Variants in HPSE2 observed in about 807,000 individuals in gnomAD.
HPSE2 encodes the protein inactive heparanase-2.
HPSE2 carries 38 observed loss-of-function variants against 60.5 expected under a neutral mutation model. The ratio of observed to expected loss-of-function variants is 0.63; its 90% confidence interval spans 0.48 to 0.82. The LOEUF (loss-of-function observed/expected upper bound fraction) is 0.82, where lower values mean the gene tolerates loss of function less well. HPSE2 is among the 40% of genes least tolerant of loss of function. The pLI, the probability that HPSE2 is intolerant of heterozygous loss-of-function variation, is 0.00. For synonymous variants in HPSE2, 295 were observed against 293.2 expected, an observed-to-expected ratio of 1.01 and a Z score of -0.06; for missense variants, 713 against 740.4, an observed-to-expected ratio of 0.96 and a Z score of 0.43.
chr10:99,310,049 G>A, the HPSE2 span, among the ~76,000 whole-genome samples: 1 of 152,186 alleles, frequency 6.6e-6, no homozygotes, highest in Non-Finnish European at 1.5e-5. Context: ...TCTGGTGGCT[G>A]CCAGCATTCT....
chr10:98,635,897 G>A (rs1249732605), intron 7 of HPSE2, among the ~76,000 whole-genome samples: 2 of 152,090 alleles, frequency 1.3e-5, no homozygotes, highest in Non-Finnish European at 2.9e-5. Flanking sequence ...GAGCCTGGAG[G>A]ACATTTGTTT....
the HPSE2 span, among the ~76,000 whole-genome samples, chr10:99,286,710 A>T: frequency 6.6e-6 from 1 of 152,222 alleles, no homozygotes; most frequent in Non-Finnish European, 1.5e-5. Flanking sequence ...ATCACAATAA[A>T]AAAGCTTTAT....
rs560795939 is a variant in HPSE2 at position 98,836,264 on chromosome 10, G to A, written c.611-92208C>T. On this transcript the variant is annotated intron_variant, in intron 3 of 11. Coordinates refer to ENST00000370552, the MANE Select transcript of HPSE2 (RefSeq NM_021828.5). ...CAATTAGACCTTTAAAACTCAATTC[G>A]TTGAAATTTTGCTCTTAGAGTCTAA... Among the ~76,000 whole-genome samples, 18 of 152,194 alleles carry A rather than the reference G, an allele frequency of 1.2e-4. No individual in the cohort carries two copies. In the East Asian group the frequency reaches 1.4e-3, roughly 11 times the overall value.
chr10:99,228,304 A>G (rs185577000), intron 2 of HPSE2, among the ~76,000 whole-genome samples: 2 of 152,310 alleles, frequency 1.3e-5, no homozygotes, highest in Admixed American at 1.3e-4. Context: ...GAGTTTGAAC[A>G]TATTATGTAA....
rs374193559 is a variant in HPSE2 at position 98,840,925 on chromosome 10, T to C, written c.611-96869A>G. 7.5e-4 allele frequency among the ~76,000 whole-genome samples: 114 copies of C among 152,324 alleles called. 1 individual carries two copies. The highest frequency in any genetic ancestry group is 2.6e-3 in the African/African-American group (110 of 41,576). ...ACAATTCTTGGTTCATGACATACTG[T>C]AATTATTGTTTGGTTAACTAATTAA... is the stretch of plus-strand genomic sequence containing the variant. On this transcript the variant is annotated intron_variant, in intron 3 of 11. Coordinates refer to ENST00000370552, the MANE Select transcript of HPSE2 (RefSeq NM_021828.5).
At chr10:98,487,042 AG>A (rs1941465881) in intron 10 of HPSE2, among the ~76,000 whole-genome samples, 1 of 152,182 alleles carries the variant, frequency 6.6e-6, no homozygotes, top group African/African-American at 2.4e-5. Context: ...GAACCCCAAA[AG>A]GCTTAATTTT....
chr10:98,491,200 C>A (rs1941630205), intron 9 of HPSE2, among the ~76,000 whole-genome samples: 2 of 84,526 alleles, frequency 2.4e-5, no homozygotes, highest in Non-Finnish European at 5.2e-5. Flanking sequence ...CAGAAGCCTT[C>A]TGATAATCTT....
intron 3 of HPSE2, among the ~76,000 whole-genome samples, chr10:98,862,318 A>G (rs1407201493): frequency 6.6e-6 from 1 of 152,198 alleles, no homozygotes; most frequent in African/African-American, 2.4e-5. Context: ...GGTCTCATAT[A>G]TTCCAAGTAT....
chr10:99,219,204 T>C (rs1351782806), intron 2 of HPSE2, among the ~76,000 whole-genome samples: 1 of 152,208 alleles, frequency 6.6e-6, no homozygotes, highest in East Asian at 1.9e-4. Context: ...TTTGGAAGTT[T>C]CAGAAGTGAT....
In HPSE2 at chr10:98,633,699, G is replaced by T. The variant is rs1351838508; in HGVS notation, c.1098+8148C>A. On this transcript the variant is annotated intron_variant, in intron 7 of 11. Coordinates refer to ENST00000370552, the MANE Select transcript of HPSE2 (RefSeq NM_021828.5). ...GGCTATTAGCAGTTAAGTTTTGGGGGAGTCAAAAGCTGTAAATGAATTTTC... is the reference window on the plus strand; with the variant it reads ...GGCTATTAGCAGTTAAGTTTTGGGGTAGTCAAAAGCTGTAAATGAATTTTC... Among the ~76,000 whole-genome samples the T allele has an allele frequency of 3.3e-5, 5 of 152,132 alleles. No individual in the cohort carries two copies. In the East Asian group the frequency reaches 5.8e-4, roughly 18 times the overall value.
intron 3 of HPSE2, among the ~76,000 whole-genome samples, chr10:98,824,168 G>C (rs1951488688): frequency 6.6e-6 from 1 of 152,114 alleles, no homozygotes. Context: ...CATATACAAA[G>C]TTCAAAACCA....
intron 9 of HPSE2, among the ~76,000 whole-genome samples, chr10:98,584,053 T>C (rs982151601): frequency 1.3e-5 from 2 of 152,218 alleles, no homozygotes; most frequent in African/African-American, 2.4e-5. Context: ...ATATGGTAAC[T>C]CTGTTTAACT....
At chr10:98,517,141 C>A (rs1001250144) in intron 9 of HPSE2, among the ~76,000 whole-genome samples, 54 of 141,300 alleles carry the variant, frequency 3.8e-4, no homozygotes, top group Non-Finnish European at 7.0e-4. Context: ...CAGAGCAGGG[C>A]TTTCATCCTC....
At chr10:98,872,909 T>C (rs140497523) in intron 3 of HPSE2, among the ~76,000 whole-genome samples, 1 of 152,254 alleles carries the variant, frequency 6.6e-6, no homozygotes, top group East Asian at 1.9e-4. Flanking sequence ...GACCCAAAGA[T>C]TTATTTACTT....
chr10:98,522,416 G>A (rs190077472), intron 9 of HPSE2, among the ~76,000 whole-genome samples: 4 of 152,054 alleles, frequency 2.6e-5, no homozygotes, highest in African/African-American at 9.7e-5. Context: ...CAGTTCCCGG[G>A]GGGCGGGGGA....
chr10:99,249,100 A>C, the HPSE2 span, among the ~76,000 whole-genome samples: 1 of 152,230 alleles, frequency 6.6e-6, no homozygotes, highest in South Asian at 2.1e-4. Flanking sequence ...GTTGGATCCC[A>C]CACACAGAGT....
the HPSE2 span, among the ~76,000 whole-genome samples, chr10:99,250,139 T>C: frequency 0.069 from 3,927 of 56,716 alleles, 190 homozygotes; most frequent in African/African-American, 0.19. Flanking sequence ...CAAAACTCCA[T>C]CTCAAAAAAA....
At chr10:99,077,705 T>C (rs1174634600) in intron 3 of HPSE2, among the ~76,000 whole-genome samples, 2 of 66,314 alleles carry the variant, frequency 3.0e-5, no homozygotes, top group South Asian at 1.1e-3. Context: ...GATATATGTG[T>C]ATGTGTGTAT....
chr10:98,602,072 T>G (rs564333375), intron 9 of HPSE2, among the ~76,000 whole-genome samples: 3 of 152,154 alleles, frequency 2.0e-5, no homozygotes, highest in Non-Finnish European at 2.9e-5. Flanking sequence ...CAGGAGCTGA[T>G]AGTAAGTGCT....
Sources: gnomAD v4.1 joint callset for allele counts (sites outside exome capture counted in the v4.1 genomes callset) on GRCh38, gnomAD v4.1.1 for gene constraint, MANE v1.5 for transcripts, NCBI Gene and HGNC (gene_info 2026-07-23, HGNC 2026-07-21) for gene names.